Variants in DTNA observed in about 807,000 individuals in gnomAD.
DTNA encodes dystrobrevin alpha, also known as dystrophin-related protein 3.
In DTNA, 43 loss-of-function variants were observed where a neutral mutation model predicts 100.7. That is an observed-to-expected ratio of 0.43 (90% CI 0.33 to 0.55). The LOEUF is 0.55. DTNA is among the 20% of genes least tolerant of loss of function. The pLI, the probability that DTNA is intolerant of heterozygous loss-of-function variation, is 0.04. For synonymous variants in DTNA, 349 were observed against 347.9 expected, an observed-to-expected ratio of 1.00 and a Z score of -0.04; for missense variants, 798 against 953.9, an observed-to-expected ratio of 0.84 and a Z score of 2.15.
intron 2 of DTNA, among the ~76,000 whole-genome samples, chr18:34,763,899 G>A (rs1446420410): frequency 6.6e-6 from 1 of 152,120 alleles, no homozygotes. Flanking sequence ...AAGTCAAGGA[G>A]AAGCTACCTC....
At chr18:34,796,224 G>C (rs935531483) in intron 4 of DTNA, among the ~76,000 whole-genome samples, 2 of 152,218 alleles carry the variant, frequency 1.3e-5, no homozygotes, top group African/African-American at 4.8e-5. Context: ...AGCATAGGCA[G>C]TCCTACTGAC....
chr18:34,738,903 T>C (rs561816861), intron 1 of DTNA, among the ~76,000 whole-genome samples: 13 of 152,310 alleles, frequency 8.5e-5, no homozygotes, highest in Middle Eastern at 3.4e-3. Flanking sequence ...CATAATTCAC[T>C]TGAACTGTTT....
intron 16 of DTNA, among the ~76,000 whole-genome samples, chr18:34,861,108 G>A (rs1287724456): frequency 6.6e-6 from 1 of 151,838 alleles, no homozygotes; most frequent in South Asian, 2.1e-4. Context: ...TCTTCAATTC[G>A]GGAAAGTTAA....
intron 5 of DTNA, among the ~76,000 whole-genome samples, chr18:34,807,065 G>T (rs2095380398): frequency 1.3e-5 from 2 of 152,154 alleles, no homozygotes; most frequent in South Asian, 4.1e-4. Context: ...CACCTTGAGG[G>T]CTTCGGTAAA....
At chr18:34,541,088 A>G (rs1344303799) in intron 1 of DTNA, among the ~76,000 whole-genome samples, 3 of 152,078 alleles carry the variant, frequency 2.0e-5, no homozygotes, top group Admixed American at 6.6e-5. Flanking sequence ...TGAGAACACA[A>G]TGGGACTTTA....
chr18:34,523,723 C>A (rs1360847230), intron 1 of DTNA, among the ~76,000 whole-genome samples: 3 of 152,126 alleles, frequency 2.0e-5, no homozygotes, highest in Admixed American at 2.0e-4. Flanking sequence ...GGTAAAGTGA[C>A]TAGAGCTCAA....
At chr18:34,572,959 C>G (rs1598662003) in intron 1 of DTNA, among the ~76,000 whole-genome samples, 1 of 152,198 alleles carries the variant, frequency 6.6e-6, no homozygotes, top group East Asian at 1.9e-4. Flanking sequence ...GTCACTTAAT[C>G]TCTCTGACAT....
Position 34,887,765 on chromosome 18 carries a change from G to A in DTNA, c.*32-1G>A. 2.0e-6 allele frequency: 2 copies of A among 985,528 alleles called. No homozygotes were observed. Among genetic ancestry groups the A allele is most frequent in the Non-Finnish European group, 2.4e-6 (2 of 829,944 alleles). The allele number at this position is 985,528 out of a possible 1,614,324, so 61.0% of individuals were successfully genotyped here. ...AAAAATTACACATTCCTTATTCCCAGGCAAGCTATAGTCAGACAGATGATG... is the reference window on the plus strand; with the variant it reads ...AAAAATTACACATTCCTTATTCCCAAGCAAGCTATAGTCAGACAGATGATG... On this transcript the variant is annotated splice_acceptor_variant, in intron 22 of 22. Transcript: ENST00000444659. LOFTEE classifies it low-confidence loss of function (3UTR_SPLICE).
At chr18:34,862,773 G>T (rs553432378) in intron 16 of DTNA, among the ~76,000 whole-genome samples, 1 of 152,062 alleles carries the variant, frequency 6.6e-6, no homozygotes, top group African/African-American at 2.4e-5. Context: ...GCACTCCAGC[G>T]TAGGCAACAG....
intron 1 of DTNA, among the ~76,000 whole-genome samples, chr18:34,671,505 A>G (rs2145084687): frequency 6.6e-6 from 1 of 152,256 alleles, no homozygotes; most frequent in Admixed American, 6.5e-5. Flanking sequence ...TGTAGACTGG[A>G]GCTGTTCCTA....
chr18:34,757,259 A>C (rs556922807), intron 2 of DTNA: 5 of 152,332 alleles, frequency 3.3e-5, no homozygotes, highest in Non-Finnish European at 5.9e-5. Context: ...ACCTTTGTGC[A>C]GTTACAAATC....
Position 34,848,345 on chromosome 18 carries a change from A to G in DTNA, c.1396A>G (p.Arg466Gly). 1.9e-6 allele frequency: 3 copies of G among 1,614,082 alleles called. No individual in the cohort carries two copies. Among genetic ancestry groups the G allele is most frequent in the Non-Finnish European group, 2.5e-6 (3 of 1,179,962 alleles). ...TGATGAAGAACACAGGCTAATTGCC[A>G]GGTATGCGGCAAGGCTGGCAGCAGA... Reference protein sequence around the residue: ...RLDEEHRLIARYAARLAAESS... With the variant: ...RLDEEHRLIAGYAARLAAESS... The change falls in exon 14 of 23, where the codon AGG (arginine) becomes GGG (glycine). Residue 466 changes from arginine to glycine, a missense_variant. This residue lies in a region of DTNA where 159 missense variants were observed against 201.2 expected (regional missense o/e 0.79). Transcript: ENST00000444659.
At chr18:34,861,142 A>G (rs768237281) in intron 16 of DTNA, among the ~76,000 whole-genome samples, 5 of 152,172 alleles carry the variant, frequency 3.3e-5, no homozygotes, top group Non-Finnish European at 5.9e-5. Context: ...TATTTAATAT[A>G]AACCCATATT....
intron 1 of DTNA, among the ~76,000 whole-genome samples, chr18:34,520,655 C>CA (rs890418826): frequency 9.9e-5 from 15 of 151,272 alleles, no homozygotes; most frequent in Non-Finnish European, 1.6e-4. Flanking sequence ...AACCCCGTCT[C>CA]AAAAAAAAAT....
At chr18:34,593,733 G>T (rs749751073) in intron 1 of DTNA, among the ~76,000 whole-genome samples, 11 of 152,152 alleles carry the variant, frequency 7.2e-5, no homozygotes, top group African/African-American at 9.7e-5. Flanking sequence ...AATTTACATT[G>T]CAAGTCTGTA....
chr18:34,655,682 G>T (rs1209373851), intron 1 of DTNA, among the ~76,000 whole-genome samples: 1 of 152,062 alleles, frequency 6.6e-6, no homozygotes, highest in Non-Finnish European at 1.5e-5. Flanking sequence ...AAGTGTTTAG[G>T]TTTACTATTA....
At chr18:34,571,829 TACCTGGGCCACACACACATTC>T (rs1166361842) in intron 1 of DTNA, among the ~76,000 whole-genome samples, 11 of 152,296 alleles carry the variant, frequency 7.2e-5, no homozygotes, top group African/African-American at 2.6e-4. Context: ...AAGTAGGTAC[TACCTGGGCCACACACACATTC>T]ACCATAAAAA....
At chr18:34,667,717 G>A (rs1262426272) in intron 1 of DTNA, among the ~76,000 whole-genome samples, 1 of 152,052 alleles carries the variant, frequency 6.6e-6, no homozygotes, top group Non-Finnish European at 1.5e-5. Flanking sequence ...TTTATATGCT[G>A]GATTATGTTT....
chr18:34,864,311 C>T (rs1162818070), intron 17 of DTNA, among the ~76,000 whole-genome samples: 7 of 140,742 alleles, frequency 5.0e-5, no homozygotes, highest in Non-Finnish European at 3.0e-5. Flanking sequence ...AGTGCAGTGG[C>T]GCAGTCTCGG....
Sources: gnomAD v4.1 joint callset for allele counts (sites outside exome capture counted in the v4.1 genomes callset) on GRCh38, gnomAD v4.1.1 for gene constraint, gnomAD v4.1.1 regional missense constraint, MANE v1.5 for transcripts, NCBI Gene and HGNC (gene_info 2026-07-23, HGNC 2026-07-21) for gene names.